GPHN: variants seen among roughly 807,000 people sequenced by gnomAD.
GPHN encodes gephyrin.
In GPHN, 17 loss-of-function variants were observed where a neutral mutation model predicts 95.5. That is an observed-to-expected ratio of 0.18 (90% CI 0.12 to 0.27). GPHN has a LOEUF of 0.27. GPHN is among the 10% of genes least tolerant of loss of function. The probability of loss-of-function intolerance (pLI) is 1.00; values close to 1 mark genes in which losing one functional copy is unlikely to be tolerated. For missense variants in GPHN, 660 were observed against 978.1 expected (o/e 0.67, Z 4.34); for synonymous variants, 320 against 322.5 (o/e 0.99, Z 0.08).
At chr14:66,811,819 C>G (rs908673370) in intron 3 of GPHN, among the ~76,000 whole-genome samples, 4 of 152,108 alleles carry the variant, frequency 2.6e-5, no homozygotes, top group African/African-American at 9.7e-5. Flanking sequence ...AAGCTTCATT[C>G]CAGTATAATT....
chr14:67,389,386 C>T, the GPHN span, among the ~76,000 whole-genome samples: 1 of 152,100 alleles, frequency 6.6e-6, no homozygotes, highest in Non-Finnish European at 1.5e-5. Flanking sequence ...GAGGGGCATT[C>T]AGCCTAAACA....
intron 8 of GPHN, among the ~76,000 whole-genome samples, chr14:66,928,754 T>A (rs1003609887): frequency 6.6e-6 from 1 of 152,212 alleles, no homozygotes; most frequent in East Asian, 1.9e-4. Flanking sequence ...ATTAATTTGC[T>A]TCTTAATGTC....
intron 1 of GPHN, among the ~76,000 whole-genome samples, chr14:66,661,527 A>G (rs923765665): frequency 3.9e-5 from 6 of 152,138 alleles, no homozygotes; most frequent in South Asian, 2.1e-4. Context: ...GCAGGCTACC[A>G]TCTCTGCTGT....
At chr14:67,476,390 CA>C in the GPHN span, among the ~76,000 whole-genome samples, 1 of 152,048 alleles carries the variant, frequency 6.6e-6, no homozygotes, top group Non-Finnish European at 1.5e-5. Flanking sequence ...AGTTTGAGAA[CA>C]ACCTGGCCGA....
At chr14:67,649,752 G>A in the GPHN span, 1 of 152,192 alleles carries the variant, frequency 6.6e-6, no homozygotes, top group Non-Finnish European at 1.5e-5. Context: ...GTACTATAGT[G>A]TAATATCAAT....
At chr14:67,002,550 A>G (rs935842498) in intron 9 of GPHN, among the ~76,000 whole-genome samples, 2 of 151,284 alleles carry the variant, frequency 1.3e-5, no homozygotes, top group Non-Finnish European at 3.0e-5. Flanking sequence ...CTGAAGATCA[A>G]TTTAACATAC....
chr14:66,534,221 A>G (rs1453429433), intron 1 of GPHN, among the ~76,000 whole-genome samples: 1 of 152,178 alleles, frequency 6.6e-6, no homozygotes, highest in African/African-American at 2.4e-5. Flanking sequence ...TACAATTAAC[A>G]CTCAGATCAA....
chr14:66,838,998 T>C lies in GPHN; in HGVS notation c.294+14432T>C, dbSNP rs2061971003. Among the ~76,000 whole-genome samples, 3 of 152,298 alleles carry C rather than the reference T, an allele frequency of 2.0e-5. No individual in the cohort carries two copies. The South Asian group carries it at 6.2e-4, about 32-fold the overall frequency. ...AAACAATTTGAATAATTCTAATAATTTTACCAGTATTATTTTCTTATATTG... is the reference window on the plus strand; with the variant it reads ...AAACAATTTGAATAATTCTAATAATCTTACCAGTATTATTTTCTTATATTG... On this transcript the variant is annotated intron_variant, in intron 4 of 22. Coordinates refer to ENST00000478722, the MANE Select transcript of GPHN (RefSeq NM_020806.5).
intron 5 of GPHN, among the ~76,000 whole-genome samples, chr14:66,894,605 C>A (rs1232181614): frequency 2.6e-5 from 4 of 152,176 alleles, no homozygotes; most frequent in Admixed American, 6.5e-5. Context: ...TTTTTGCAAT[C>A]TACTCATCTG....
At chr14:67,310,777 T>A in the GPHN span, among the ~76,000 whole-genome samples, 1 of 152,204 alleles carries the variant, frequency 6.6e-6, no homozygotes, top group Non-Finnish European at 1.5e-5. Flanking sequence ...TTCTTTGAAA[T>A]TAAAAAATAT....
At chr14:66,985,768 G>T (rs976181084) in intron 9 of GPHN, 2 of 1,355,758 alleles carry the variant, frequency 1.5e-6, no homozygotes, top group East Asian at 5.0e-5. Context: ...TTTTTGGCAA[G>T]ATTTCGTCTA....
the GPHN span, chr14:67,364,052 C>G: frequency 6.6e-6 from 1 of 152,018 alleles, no homozygotes; most frequent in Non-Finnish European, 1.5e-5. Context: ...GAAACTTGAA[C>G]TTTGTAGTAA....
chr14:67,455,302 G>A, the GPHN span, among the ~76,000 whole-genome samples: 1 of 151,976 alleles, frequency 6.6e-6, no homozygotes, highest in African/African-American at 2.4e-5. Flanking sequence ...ATCCCCACCT[G>A]TTCCCTCCCA....
At chr14:67,059,005 TA>T in intron 11 of GPHN, 5 of 439,044 alleles carry the variant, frequency 1.1e-5, no homozygotes, top group East Asian at 3.5e-5. Context: ...GCCTTTTCAT[TA>T]AAAAAAGGAA....
intron 10 of GPHN, among the ~76,000 whole-genome samples, chr14:67,037,376 C>T (rs981056944): frequency 3.3e-5 from 5 of 151,890 alleles, no homozygotes; most frequent in Non-Finnish European, 5.9e-5. Context: ...AACTTTATGA[C>T]ATTGAAATGG....
chr14:67,541,781 C>T, the GPHN span: 4 of 1,272,158 alleles, frequency 3.1e-6, no homozygotes, highest in Non-Finnish European at 4.3e-6. Flanking sequence ...CCCCACAGAA[C>T]TCTTCCTCAC....
intron 2 of GPHN, among the ~76,000 whole-genome samples, chr14:66,683,777 AC>A (rs2067157380): frequency 6.6e-6 from 1 of 151,754 alleles, no homozygotes; most frequent in South Asian, 2.1e-4. Flanking sequence ...GGAGATCGAG[AC>A]CATCCTGGCT....
chr14:67,592,159 G>A, the GPHN span: 3 of 195,030 alleles, frequency 1.5e-5, no homozygotes, highest in South Asian at 2.0e-4. Flanking sequence ...ATGAGGCCAG[G>A]TATGCTGGCT....
At chr14:67,166,342 T>C (rs2082274731) in intron 20 of GPHN, among the ~76,000 whole-genome samples, 1 of 152,226 alleles carries the variant, frequency 6.6e-6, no homozygotes, top group African/African-American at 2.4e-5. Context: ...CTCCTTTTCC[T>C]AGCTTCATTT....
Sources: gnomAD v4.1 joint callset for allele counts (sites outside exome capture counted in the v4.1 genomes callset) on GRCh38, gnomAD v4.1.1 for gene constraint, MANE v1.5 for transcripts, NCBI Gene and HGNC (gene_info 2026-07-23, HGNC 2026-07-21) for gene names.